Variants in PNPLA1 observed in about 807,000 individuals in gnomAD.
PNPLA1 encodes patatin like domain 1, omega-hydroxyceramide transacylase.
PNPLA1 carries 36 observed loss-of-function variants against 51.7 expected under a neutral mutation model. That is an observed-to-expected ratio of 0.70 (90% CI 0.53 to 0.92). The LOEUF (loss-of-function observed/expected upper bound fraction) is 0.92. Among genes scored for constraint, PNPLA1 ranks in the 40% least tolerant of loss-of-function variants. The pLI is 0.00. For missense variants in PNPLA1, 658 were observed against 682.5 expected (o/e 0.96, Z 0.40); for synonymous variants, 293 against 280.1 (o/e 1.05, Z -0.46).
chr6:36,261,802 T>C (rs1040412097), intron 1 of PNPLA1, among the ~76,000 whole-genome samples: 3 of 152,192 alleles, frequency 2.0e-5, no homozygotes, highest in African/African-American at 7.2e-5. Flanking sequence ...CATAGCTGTG[T>C]CTTGAACTAA....
At chr6:36,281,959 G>T (rs894376540) in intron 1 of PNPLA1, among the ~76,000 whole-genome samples, 5 of 150,908 alleles carry the variant, frequency 3.3e-5, no homozygotes, top group African/African-American at 1.2e-4. Context: ...AGATGGGGAG[G>T]TTGCAGTGAG....
chr6:36,256,914 A>C (rs1299996253), intron 1 of PNPLA1, among the ~76,000 whole-genome samples: 2 of 152,206 alleles, frequency 1.3e-5, no homozygotes, highest in African/African-American at 4.8e-5. Flanking sequence ...TACCCTCTTC[A>C]TAGGGGAGAG....
Position 36,306,300 on chromosome 6 carries a change from C to T in PNPLA1, c.1393C>T (p.Leu465Phe), listed in dbSNP as rs1378926070. The change falls in exon 7 of 9, where the codon CTT (leucine) becomes TTT (phenylalanine). Residue 465 changes from leucine (L) to phenylalanine (F), a missense_variant. Physicochemically the swap from Leu to Phe is conservative, Grantham distance 22. Transcript: ENST00000636260. ...LGQEQPQAVA[L>F]LVSSKPKSAV... Reference sequence around the variant, plus strand: ...TATATCTTTACTTTTAGCTGTAGCTCTTCTTGTCTCTTCAAAACCAAAAAG... The same window carrying T: ...TATATCTTTACTTTTAGCTGTAGCTTTTCTTGTCTCTTCAAAACCAAAAAG... The T allele has an allele frequency of 6.2e-7, 1 of 1,612,300 alleles. No homozygotes were observed. Among genetic ancestry groups the T allele is most frequent in the East Asian group, 2.2e-5 (1 of 44,798 alleles).
chr6:36,247,022 C>T (rs1233156832), intron 1 of PNPLA1, among the ~76,000 whole-genome samples: 1 of 152,200 alleles, frequency 6.6e-6, no homozygotes, highest in African/African-American at 2.4e-5. Flanking sequence ...TCCAGCTCCT[C>T]CTGCCCCCTG....
chr6:36,312,656 TGAC>T lies in PNPLA1; in HGVS notation c.*771_*773del, dbSNP rs954767518. 5.3e-4 allele frequency among the ~76,000 whole-genome samples: 80 copies of T among 152,334 alleles called. No individual in the cohort carries two copies. Among genetic ancestry groups the T allele is most frequent in the African/African-American group, 1.9e-3 (80 of 41,578 alleles). On this transcript the variant is annotated 3_prime_UTR_variant, in exon 9 of 9. Transcript: ENST00000636260. ...CTCACTGCTGTCCGGCACACTCCCC[TGAC>T]TCTGGGCCCTTTTGAGGACCAGGGG...
intron 1 of PNPLA1, among the ~76,000 whole-genome samples, chr6:36,258,263 C>A (rs1490807169): frequency 6.6e-6 from 1 of 152,188 alleles, no homozygotes; most frequent in African/African-American, 2.4e-5. Context: ...CTTCTCCTTT[C>A]CAGGATTTCC....
At position 36,293,148 on chromosome 6, in the gene PNPLA1, G is replaced by A. The variant is rs924282715; in HGVS notation, c.504+22G>A. The A allele has an allele frequency of 3.1e-6, 5 of 1,609,804 alleles. No individual in the cohort carries two copies. In the African/African-American group the frequency reaches 6.7e-5, roughly 22 times the overall value. On this transcript the variant is annotated intron_variant, in intron 3 of 8. Coordinates refer to ENST00000636260, the MANE Select transcript of PNPLA1 (RefSeq NM_001374623.1). ...TGTGGTGAGTGCTTCGGCATGGTGA[G>A]GGGTGAGATGGGATCCAAGGGACCT...
rs1019244660 is a variant in PNPLA1 at position 36,294,374 on chromosome 6, A to C, written c.689A>C (p.His230Pro). 1 of 1,614,080 alleles carries C rather than the reference A, an allele frequency of 6.2e-7. No individual in the cohort carries two copies. The highest frequency in any genetic ancestry group is 8.5e-7 in the Non-Finnish European group (1 of 1,180,004). ...CTGGAGAACATCGCCAGGATGACCC[A>C]CGCATTGTTCCCCCCGGACCTGGTG... The part of the protein sequence containing the change: ...FSLENIARMT[H>P]ALFPPDLVIL... The change falls in exon 4 of 9, where the codon CAC becomes CCC. Residue 230 changes from histidine to proline, a missense_variant. By Grantham distance (77) the His-to-Pro change is moderately conservative. Coordinates refer to ENST00000636260, the MANE Select transcript of PNPLA1 (RefSeq NM_001374623.1). The surrounding 1 kb of genome is among the most constrained non-coding windows in gnomAD (Gnocchi z 4.2).
In PNPLA1 at chr6:36,306,366, C is replaced by A. The variant is rs1188995403; in HGVS notation, c.1459C>A (p.Pro487Thr). Residue 487 changes from proline to threonine, a missense_variant, in exon 7 of 9, where the codon CCT becomes ACT. By Grantham distance (38) the Pro-to-Thr change is conservative (BLOSUM62 -1). Coordinates refer to ENST00000636260, the MANE Select transcript of PNPLA1 (RefSeq NM_001374623.1). ...LVHVKETVSK[P>T]YVTESPAEDS... ...TCATGTGAAGGAAACCGTCAGCAAG[C>A]CTTATGTAACGTAAGTTTCCCCTTC... The A allele has an allele frequency of 1.9e-6, 3 of 1,611,348 alleles. No homozygotes were observed. Among genetic ancestry groups the A allele is most frequent in the South Asian group, 1.1e-5 (1 of 90,524 alleles).
chr6:36,282,495 A>G lies in PNPLA1; in HGVS notation c.206-8825A>G, dbSNP rs147590485. ...TGGACTTTTTAGTAGAAGAGCATTG[A>G]ATGGAAGATCTGGTAAAGCTTTGAA... On this transcript the variant is annotated intron_variant, in intron 1 of 8. Transcript: ENST00000636260. Among the ~76,000 whole-genome samples, 27 of 152,300 alleles carry G rather than the reference A, an allele frequency of 1.8e-4. No individual in the cohort carries two copies. In the East Asian group the frequency reaches 5.0e-3, roughly 28 times the overall value.
At chr6:36,257,893 A>G (rs1379636073) in intron 1 of PNPLA1, among the ~76,000 whole-genome samples, 1 of 152,190 alleles carries the variant, frequency 6.6e-6, no homozygotes, top group Non-Finnish European at 1.5e-5. Context: ...GAAAAGTATT[A>G]CTGTTTGTGT....
intron 1 of PNPLA1, among the ~76,000 whole-genome samples, chr6:36,250,752 A>G (rs1479535326): frequency 5.3e-5 from 8 of 152,124 alleles, no homozygotes; most frequent in Admixed American, 1.3e-4. Context: ...TTGCCAGGCT[A>G]GAGTGCAGTG....
chr6:36,259,432 T>C (rs1317668051), intron 1 of PNPLA1, among the ~76,000 whole-genome samples: 2 of 152,138 alleles, frequency 1.3e-5, no homozygotes, highest in Non-Finnish European at 2.9e-5. Flanking sequence ...GTAAATATAC[T>C]AGTAAAGACT....
chr6:36,299,482 C>T (rs910648097), intron 5 of PNPLA1, among the ~76,000 whole-genome samples: 1 of 151,918 alleles, frequency 6.6e-6, no homozygotes, highest in African/African-American at 2.4e-5. Flanking sequence ...CTACAGGCGC[C>T]CGCTACCACG....
chr6:36,302,984 T>G (rs1404124820), intron 6 of PNPLA1, among the ~76,000 whole-genome samples: 1 of 152,208 alleles, frequency 6.6e-6, no homozygotes, highest in Admixed American at 6.5e-5. Context: ...AGAGTAATCA[T>G]TTAGAAACGT....
chr6:36,287,467 T>C (rs1770530706), intron 1 of PNPLA1, among the ~76,000 whole-genome samples: 1 of 152,110 alleles, frequency 6.6e-6, no homozygotes, highest in Non-Finnish European at 1.5e-5. Flanking sequence ...TCTAATAACC[T>C]TGCTGTGGTT....
intron 1 of PNPLA1, 108 bp downstream of exon 1, chr6:36,270,772 G>C (rs1769891631): frequency 1.5e-6 from 2 of 1,317,306 alleles, no homozygotes; most frequent in South Asian, 1.4e-5. Context: ...GCCAGGCCTG[G>C]GTGGCAGGAA....
intron 1 of PNPLA1, among the ~76,000 whole-genome samples, chr6:36,283,324 C>T (rs1770377623): frequency 6.6e-6 from 1 of 152,186 alleles, no homozygotes; most frequent in South Asian, 2.1e-4. Flanking sequence ...GTTTTCTTTG[C>T]TTCACTTTGG....
chr6:36,276,478 T>C (rs1285692122), intron 1 of PNPLA1, among the ~76,000 whole-genome samples: 1 of 152,166 alleles, frequency 6.6e-6, no homozygotes, highest in Non-Finnish European at 1.5e-5. Flanking sequence ...AGAGATGTGG[T>C]AACCTTCATT....
Sources: gnomAD v4.1 joint callset for allele counts (sites outside exome capture counted in the v4.1 genomes callset) on GRCh38, gnomAD v4.1.1 for gene constraint, Gnocchi (gnomAD v3.1) non-coding constraint, MANE v1.5 for transcripts, NCBI Gene and HGNC (gene_info 2026-07-23, HGNC 2026-07-21) for gene names.